The following ANKRD12 variants were observed in gnomAD, a reference collection of about 807,000 sequenced individuals.
ANKRD12 encodes ankyrin repeat domain-containing protein 12.
In ANKRD12, 85 loss-of-function variants were observed where a neutral mutation model predicts 183.4. The ratio of observed to expected loss-of-function variants is 0.46; its 90% CI spans 0.39 to 0.56. The LOEUF (loss-of-function observed/expected upper bound fraction) is 0.56. Ranked by LOEUF, ANKRD12 falls within the 20% of genes least tolerant of loss-of-function variation. The pLI is 0.00. For synonymous variants in ANKRD12, 914 were observed against 800.2 expected (o/e 1.14, Z -2.40); for missense variants, 2,405 against 2,357.1 (o/e 1.02, Z -0.42).
At chr18:9,239,606 T>C (rs919231569) in intron 8 of ANKRD12, 6 of 912,480 alleles carry the variant, frequency 6.6e-6, no homozygotes, top group Non-Finnish European at 9.1e-6. Flanking sequence ...CTGATGAAAA[T>C]ACCCAAAATT....
intron 3 of ANKRD12, among the ~76,000 whole-genome samples, chr18:9,200,141 A>G (rs969024341): frequency 2.6e-5 from 4 of 152,174 alleles, no homozygotes; most frequent in African/African-American, 9.7e-5. Flanking sequence ...TAAATTCTCA[A>G]TTATTTAATA....
At chr18:9,261,970 GT>G (rs2038993838) in intron 9 of ANKRD12, among the ~76,000 whole-genome samples, 1 of 152,182 alleles carries the variant, frequency 6.6e-6, no homozygotes, top group East Asian at 1.9e-4. Context: ...CTCATGCTAA[GT>G]TTAAAGCAGT....
intron 8 of ANKRD12, among the ~76,000 whole-genome samples, 176 bp from the exon 9 acceptor site, chr18:9,254,035 C>T (rs1027490685): frequency 6.6e-6 from 1 of 152,176 alleles, no homozygotes; most frequent in African/African-American, 2.4e-5. Context: ...TGTTCTACAA[C>T]ACTATCAGAG....
chr18:9,139,157 G>C (rs1319686716), intron 1 of ANKRD12, among the ~76,000 whole-genome samples: 1 of 152,094 alleles, frequency 6.6e-6, no homozygotes, highest in East Asian at 1.9e-4. Flanking sequence ...GGAGTGAAGA[G>C]AACAAAAATA....
At chr18:9,253,647 A>G in intron 8 of ANKRD12, among the ~76,000 whole-genome samples, 1 of 152,322 alleles carries the variant, frequency 6.6e-6, no homozygotes, top group East Asian at 1.9e-4. Context: ...TAAACATGGG[A>G]GTGCAGGTTA....
chr18:9,222,280 C>T (rs2036463378), intron 8 of ANKRD12, among the ~76,000 whole-genome samples: 1 of 152,160 alleles, frequency 6.6e-6, no homozygotes, highest in African/African-American at 2.4e-5. Context: ...CAGAACCTCT[C>T]CCCATGCAGA....
intron 11 of ANKRD12, among the ~76,000 whole-genome samples, chr18:9,277,484 C>T (rs1204425149): frequency 6.6e-6 from 1 of 151,652 alleles, no homozygotes; most frequent in Non-Finnish European, 1.5e-5. Flanking sequence ...CCCGCCACCA[C>T]ACCCGGCTAA....
intron 3 of ANKRD12, among the ~76,000 whole-genome samples, chr18:9,201,356 A>G (rs1332682294): frequency 1.3e-5 from 2 of 152,196 alleles, no homozygotes; most frequent in Non-Finnish European, 2.9e-5. Flanking sequence ...AAATCTCTTA[A>G]TGTGAAAGTG....
intron 8 of ANKRD12, among the ~76,000 whole-genome samples, chr18:9,243,227 A>G (rs371145098): frequency 2.0e-5 from 3 of 152,194 alleles, no homozygotes; most frequent in Admixed American, 6.5e-5. Context: ...GAGCCACTCA[A>G]TAGGAGACAT....
intron 8 of ANKRD12, among the ~76,000 whole-genome samples, chr18:9,238,326 G>A (rs2037464407): frequency 6.6e-6 from 1 of 152,080 alleles, no homozygotes; most frequent in Non-Finnish European, 1.5e-5. Context: ...CACACTTAGA[G>A]TTTTTACTAC....
At chr18:9,162,056 TG>T (rs1456069895) in intron 1 of ANKRD12, among the ~76,000 whole-genome samples, 3 of 152,086 alleles carry the variant, frequency 2.0e-5, no homozygotes, top group African/African-American at 7.2e-5. Context: ...TTTTAAGTTA[TG>T]GGGTACATGT....
At chr18:9,177,878 C>T (rs554471226) in intron 1 of ANKRD12, among the ~76,000 whole-genome samples, 2 of 152,240 alleles carry the variant, frequency 1.3e-5, no homozygotes, top group Non-Finnish European at 2.9e-5. Flanking sequence ...TTTTCCTGTG[C>T]TTATTTGCCA....
At chr18:9,279,713 C>A in intron 12 of ANKRD12, 69 bp downstream of exon 12, 1 of 876,696 alleles carries the variant, frequency 1.1e-6, no homozygotes, top group Non-Finnish European at 1.8e-6. Context: ...AACTCTACAG[C>A]TGTATTAGGG....
At chr18:9,270,792 T>A (rs115200952) in intron 10 of ANKRD12, among the ~76,000 whole-genome samples, 1,576 of 152,264 alleles carry the variant, frequency 0.01, 22 homozygotes, top group African/African-American at 0.036. Flanking sequence ...CTTACTTGAA[T>A]TGTGCAATTT....
Position 9,275,514 on chromosome 18 carries a change from ATT to A in ANKRD12, c.5764-9_5764-8del, listed in dbSNP as rs777322972. Reference sequence around the variant, plus strand: ...AGAATTTATTTTTTTTTAATTCTTTATTCAACTAGGAAAAACTCATTGTATCC... The same window carrying A: ...AGAATTTATTTTTTTTTAATTCTTTACAACTAGGAAAAACTCATTGTATCC... On this transcript the variant is annotated splice_region_variant and splice_polypyrimidine_tract_variant and intron_variant, in intron 10 of 12. Transcript: ENST00000262126. 3 of 1,593,426 alleles carry A rather than the reference ATT, an allele frequency of 1.9e-6. No homozygotes were observed. The South Asian group carries it at 3.4e-5, about 18-fold the overall frequency.
chr18:9,191,571 C>T (rs376438292), intron 2 of ANKRD12, among the ~76,000 whole-genome samples: 7 of 151,806 alleles, frequency 4.6e-5, no homozygotes, highest in Non-Finnish European at 7.4e-5. Flanking sequence ...ATCTTTTATT[C>T]GTAACAATGA....
At chr18:9,260,608 TAAAAG>T (rs959029626) in intron 9 of ANKRD12, among the ~76,000 whole-genome samples, 18 of 152,210 alleles carry the variant, frequency 1.2e-4, no homozygotes, top group East Asian at 3.9e-4. Context: ...GAGTGGGTGA[TAAAAG>T]GAAAGTGCAT....
At chr18:9,169,291 A>G (rs1215900477) in intron 1 of ANKRD12, among the ~76,000 whole-genome samples, 2 of 152,028 alleles carry the variant, frequency 1.3e-5, no homozygotes, top group South Asian at 2.1e-4. Flanking sequence ...TGTCTCGTTG[A>G]TCTGTCTAAT....
intron 1 of ANKRD12, among the ~76,000 whole-genome samples, chr18:9,139,833 T>C (rs2078256586): frequency 1.3e-5 from 2 of 152,228 alleles, no homozygotes; most frequent in South Asian, 4.1e-4. Flanking sequence ...TCATTTCCTT[T>C]ATTTTTACAC....
Sources: gnomAD v4.1 joint callset for allele counts (sites outside exome capture counted in the v4.1 genomes callset) on GRCh38, gnomAD v4.1.1 for gene constraint, MANE v1.5 for transcripts, NCBI Gene and HGNC (gene_info 2026-07-23, HGNC 2026-07-21) for gene names.